The following ZNF713 variants were observed in gnomAD, a reference collection of about 807,000 sequenced individuals.
ZNF713 encodes the protein zinc finger protein 713.
Under a neutral mutation model 28.7 loss-of-function variants are expected in ZNF713, and 21 were observed. The observed-to-expected ratio is 0.73, with a 90% CI of 0.52 to 1.05. ZNF713 has a LOEUF of 1.05. Among genes scored for constraint, ZNF713 ranks in the 50% least tolerant of loss-of-function variants. ZNF713 has a pLI of 0.00. For synonymous variants in ZNF713, 167 were observed against 178.0 expected (o/e 0.94, Z 0.49); for missense variants, 458 against 532.4 (o/e 0.86, Z 1.37).
intron 5 of ZNF713, 93 bp from the exon 6 acceptor site, chr7:55,923,514 C>T (rs529053201): frequency 1.6e-6 from 2 of 1,214,476 alleles, no homozygotes; most frequent in Non-Finnish European, 2.3e-6. Context: ...AGTCTCCCCT[C>T]CAGAGGCTCT....
Position 55,940,154 on chromosome 7 carries a change from ACT to A in ZNF713, c.*151_*152del. On this transcript the variant is annotated 3_prime_UTR_variant, in exon 7 of 7. Transcript: ENST00000429591. ...TGTTTTGTTTTTGAGACTGAGTCTC[ACT>A]CTGTCACCCAGGCTGAAGTGCAGTG... is the stretch of plus-strand genomic sequence containing the variant. 1 of 1,324,748 alleles carries A rather than the reference ACT, an allele frequency of 7.5e-7. No individual in the cohort carries two copies. 82.1% of individuals were successfully genotyped at this position (1,324,748 alleles called of 1,614,324 possible). A position where few individuals can be genotyped will look rare whatever the true frequency, so the allele number is the denominator to read the frequency against.
chr7:55,928,956 A>G (rs1409297186), intron 6 of ZNF713, among the ~76,000 whole-genome samples: 1 of 140,276 alleles, frequency 7.1e-6, no homozygotes, highest in Non-Finnish European at 1.5e-5. Flanking sequence ...ACAGGTTGAG[A>G]GCCCATTTCT....
At chr7:55,900,479 A>G (rs962796982) in intron 1 of ZNF713, among the ~76,000 whole-genome samples, 5 of 151,996 alleles carry the variant, frequency 3.3e-5, no homozygotes, top group Admixed American at 3.3e-4. Flanking sequence ...AAAAAAAAAA[A>G]TGTGGTATAT....
chr7:55,892,554 C>A (rs1434847774), intron 1 of ZNF713, among the ~76,000 whole-genome samples: 2 of 19,750 alleles, frequency 1.0e-4, no homozygotes, highest in Admixed American at 4.6e-4. Context: ...AAAGCACTGA[C>A]CAAAAAAAAA....
intron 1 of ZNF713, among the ~76,000 whole-genome samples, chr7:55,903,502 TCTGCTA>T (rs1406004865): frequency 6.6e-6 from 1 of 151,920 alleles, no homozygotes; most frequent in Non-Finnish European, 1.5e-5. Flanking sequence ...AAACCCCATC[TCTGCTA>T]AAAATACAAA....
intron 1 of ZNF713, among the ~76,000 whole-genome samples, chr7:55,895,993 T>C (rs1463451785): frequency 2.0e-5 from 3 of 152,056 alleles, no homozygotes; most frequent in Non-Finnish European, 4.4e-5. Context: ...TACCTTACTG[T>C]ATGGAAAATT....
intron 6 of ZNF713, among the ~76,000 whole-genome samples, chr7:55,928,163 A>G (rs2116251567): frequency 6.6e-6 from 1 of 152,232 alleles, no homozygotes; most frequent in East Asian, 1.9e-4. Context: ...GTGGAAGCTG[A>G]CCAAAGACGA....
chr7:55,933,461 A>G (rs1411392000), intron 6 of ZNF713, among the ~76,000 whole-genome samples: 1 of 151,174 alleles, frequency 6.6e-6, no homozygotes, highest in African/African-American at 2.4e-5. Context: ...ACGCCTGGCT[A>G]ATTTTTTGTA....
chr7:55,906,880 A>G (rs1026609019), intron 2 of ZNF713, among the ~76,000 whole-genome samples: 2 of 152,156 alleles, frequency 1.3e-5, no homozygotes, highest in African/African-American at 2.4e-5. Context: ...ATTAAGGGGG[A>G]AAAGCTGGTT....
intron 1 of ZNF713, among the ~76,000 whole-genome samples, chr7:55,895,217 A>G (rs142724769): frequency 5.1e-4 from 78 of 152,286 alleles, no homozygotes; most frequent in East Asian, 1.7e-3. Flanking sequence ...CCAATGTACT[A>G]GACATGAAGA....
At chr7:55,918,919 G>A (rs764656605) in intron 4 of ZNF713, among the ~76,000 whole-genome samples, 45 of 152,002 alleles carry the variant, frequency 3.0e-4, no homozygotes, top group Non-Finnish European at 3.8e-4. Context: ...GCCTGAACCC[G>A]GGAGGCGGAG....
At chr7:55,914,960 T>G (rs530938061) in intron 4 of ZNF713, among the ~76,000 whole-genome samples, 1 of 152,226 alleles carries the variant, frequency 6.6e-6, no homozygotes, top group African/African-American at 2.4e-5. Context: ...GTTCAAGTGA[T>G]TCTCCTGCCT....
intron 4 of ZNF713, among the ~76,000 whole-genome samples, chr7:55,916,412 T>A (rs1169972522): frequency 6.6e-6 from 1 of 152,232 alleles, no homozygotes; most frequent in East Asian, 1.9e-4. Flanking sequence ...TATTTAAATT[T>A]GTAACTGCCC....
At chr7:55,892,012 G>C (rs1400031282) in intron 1 of ZNF713, among the ~76,000 whole-genome samples, 3 of 152,138 alleles carry the variant, frequency 2.0e-5, no homozygotes, top group African/African-American at 7.2e-5. Flanking sequence ...GGGTGCAATG[G>C]CTTATGCCTG....
intron 6 of ZNF713, 80 bp from the exon 7 acceptor site, chr7:55,938,902 G>T (rs565326887): frequency 4.3e-6 from 6 of 1,409,358 alleles, no homozygotes; most frequent in Non-Finnish European, 5.8e-6. Flanking sequence ...TTGGTAATTC[G>T]CTGTGCAACA....
At chr7:55,936,855 A>G (rs892386514) in intron 6 of ZNF713, among the ~76,000 whole-genome samples, 3 of 152,168 alleles carry the variant, frequency 2.0e-5, no homozygotes, top group African/African-American at 7.2e-5. Context: ...GGTGTCTAGC[A>G]AGAGCCTCCC....
At chr7:55,938,178 TGGGCG>T (rs1331026511) in intron 6 of ZNF713, among the ~76,000 whole-genome samples, 1 of 152,010 alleles carries the variant, frequency 6.6e-6, no homozygotes, top group Non-Finnish European at 1.5e-5. Flanking sequence ...CACTCCAGCC[TGGGCG>T]ATAGAGTGAT....
chr7:55,903,947 A>C (rs1344334552), intron 1 of ZNF713, among the ~76,000 whole-genome samples: 1 of 152,122 alleles, frequency 6.6e-6, no homozygotes, highest in African/African-American at 2.4e-5. Context: ...GCCCTGAATA[A>C]TTTTAAGTGT....
chr7:55,919,517 T>TTGTTTTTTTTTTG (rs1785951024), intron 4 of ZNF713, among the ~76,000 whole-genome samples: 26 of 119,520 alleles, frequency 2.2e-4, no homozygotes, highest in South Asian at 9.0e-4. Context: ...TTTTTTTTTT[T>TTGTTTTTTTTTTG]TTTTTTGAGA....
Sources: gnomAD v4.1 joint callset for allele counts (sites outside exome capture counted in the v4.1 genomes callset) on GRCh38, gnomAD v4.1.1 for gene constraint, MANE v1.5 for transcripts, NCBI Gene and HGNC (gene_info 2026-07-23, HGNC 2026-07-21) for gene names.